SMARCA2: variants seen among roughly 807,000 people sequenced by gnomAD.
The protein encoded by SMARCA2 is SWI/SNF related BAF chromatin remodeling complex subunit ATPase 2.
A neutral mutation model predicts 199.8 loss-of-function variants in SMARCA2; 61 were observed. The observed-to-expected ratio is 0.31, with a 90% CI of 0.25 to 0.38. SMARCA2 has a LOEUF of 0.38. Among genes scored for constraint, SMARCA2 ranks in the 10% least tolerant of loss-of-function variants. The pLI is 1.00. For missense variants in SMARCA2, 1,344 were observed against 2,012.2 expected (o/e 0.67, Z 6.35); for synonymous variants, 935 against 732.0 (o/e 1.28, Z -4.48).
At chr9:2,070,881 T>C (rs1453052054) in intron 10 of SMARCA2, among the ~76,000 whole-genome samples, 4 of 152,236 alleles carry the variant, frequency 2.6e-5, no homozygotes. Context: ...ACTAAAGAAG[T>C]CACATATTTG....
At chr9:2,088,022 T>TG (rs1251603541) in intron 18 of SMARCA2, among the ~76,000 whole-genome samples, 1 of 152,250 alleles carries the variant, frequency 6.6e-6, no homozygotes, top group Non-Finnish European at 1.5e-5. Flanking sequence ...CAGCATAAAC[T>TG]GGATCAACTC....
chr9:2,081,790 G>T (rs770128630), intron 14 of SMARCA2, 42 bp from the exon 15 acceptor site: 18 of 1,587,536 alleles, frequency 1.1e-5, no homozygotes, highest in Non-Finnish European at 1.6e-5. Context: ...TTAATTACCT[G>T]TGCAGATCTT....
At chr9:2,111,100 C>T (rs1198484656) in intron 24 of SMARCA2, among the ~76,000 whole-genome samples, 1 of 148,434 alleles carries the variant, frequency 6.7e-6, no homozygotes, top group Admixed American at 6.7e-5. Context: ...TTCTAAGTTA[C>T]TCTGGGAGGT....
intron 27 of SMARCA2, among the ~76,000 whole-genome samples, chr9:2,129,733 C>T (rs1419833980): frequency 6.6e-6 from 1 of 152,178 alleles, no homozygotes; most frequent in East Asian, 1.9e-4. Flanking sequence ...GTGACCAGTG[C>T]CCACTGGAGC....
chr9:2,065,682 T>C lies in SMARCA2; in HGVS notation c.1692+4696T>C, dbSNP rs566991376. Among the ~76,000 whole-genome samples the C allele has an allele frequency of 4.6e-5, 7 of 151,992 alleles. No homozygotes were observed. The East Asian group carries it at 1.3e-3, about 29-fold the overall frequency. ...TGAGACATTTATTTTAAATACAAGC[T>C]ACTCCCTGATTCTTCTCATTTTTTT... On this transcript the variant is annotated intron_variant, in intron 9 of 33. Coordinates refer to ENST00000349721, the MANE Select transcript of SMARCA2 (RefSeq NM_003070.5).
At chr9:2,106,379 G>C (rs1026260990) in intron 23 of SMARCA2, among the ~76,000 whole-genome samples, 4 of 152,158 alleles carry the variant, frequency 2.6e-5, no homozygotes, top group Non-Finnish European at 5.9e-5. Context: ...AGAGATACAG[G>C]ATGGATGAAC....
intron 30 of SMARCA2, among the ~76,000 whole-genome samples, 178 bp from the exon 31 acceptor site, chr9:2,181,963 G>T (rs1033346003): frequency 6.6e-6 from 1 of 152,206 alleles, no homozygotes; most frequent in Non-Finnish European, 1.5e-5. Flanking sequence ...AGGAATGACA[G>T]TGGGAGTGGG....
intron 19 of SMARCA2, among the ~76,000 whole-genome samples, chr9:2,094,127 C>T (rs1822174086): frequency 6.6e-6 from 1 of 152,148 alleles, no homozygotes; most frequent in African/African-American, 2.4e-5. Flanking sequence ...TATCCCAGGC[C>T]TGGAGACAAG....
chr9:2,032,694 C>A (rs1217646209), intron 2 of SMARCA2: 4 of 307,140 alleles, frequency 1.3e-5, no homozygotes, highest in African/African-American at 6.6e-5. Context: ...ACTTCATTTT[C>A]ATTGCCTGTT....
chr9:2,028,154 C>T lies in SMARCA2; in HGVS notation c.-36-833C>T, dbSNP rs1366781670. 2.0e-5 allele frequency among the ~76,000 whole-genome samples: 3 copies of T among 152,176 alleles called. No homozygotes were observed. The East Asian group carries it at 5.8e-4, about 29-fold the overall frequency. On this transcript the variant is annotated intron_variant, in intron 1 of 33. Coordinates refer to ENST00000349721, the MANE Select transcript of SMARCA2 (RefSeq NM_003070.5). ...ATGACTTCTCTCAAGGATTCTTGAC[C>T]AGAGCCAGGTCTGGGACAAATCCCT... is the stretch of plus-strand genomic sequence containing the variant.
chr9:2,125,412 G>C (rs139428802), intron 27 of SMARCA2, among the ~76,000 whole-genome samples: 1 of 151,570 alleles, frequency 6.6e-6, no homozygotes, highest in African/African-American at 2.4e-5. Context: ...CTGAGCTTGG[G>C]AAAATTTTAT....
chr9:2,191,993 C>G (rs1280904563), intron 33 of SMARCA2: 1 of 153,676 alleles, frequency 6.5e-6, no homozygotes, highest in African/African-American at 2.4e-5. Flanking sequence ...AGATGTCACT[C>G]TCAAATAACA....
intron 4 of SMARCA2, chr9:2,043,840 G>C (rs1353929865): frequency 1.3e-5 from 2 of 152,172 alleles, no homozygotes; most frequent in Non-Finnish European, 2.9e-5. Flanking sequence ...CCCTTCTGGA[G>C]GGCCAGAGTT....
chr9:2,178,643 C>T (rs1333831997), intron 29 of SMARCA2, among the ~76,000 whole-genome samples: 1 of 152,114 alleles, frequency 6.6e-6, no homozygotes, highest in African/African-American at 2.4e-5. Context: ...AAAAAGCCCT[C>T]GCTCAGCTCA....
At chr9:2,060,058 C>A (rs746497255) in intron 8 of SMARCA2, among the ~76,000 whole-genome samples, 8 of 133,466 alleles carry the variant, frequency 6.0e-5, no homozygotes, top group Non-Finnish European at 9.2e-5. Flanking sequence ...TACCAGACTT[C>A]AGGTGCTAAG....
At chr9:2,162,201 A>T (rs541360094) in intron 28 of SMARCA2, among the ~76,000 whole-genome samples, 2 of 152,224 alleles carry the variant, frequency 1.3e-5, no homozygotes, top group Non-Finnish European at 2.9e-5. Flanking sequence ...GAAAATGAAG[A>T]TATTTCAGAT....
chr9:2,106,043 A>T (rs566769647), intron 23 of SMARCA2, among the ~76,000 whole-genome samples: 27 of 152,354 alleles, frequency 1.8e-4, no homozygotes, highest in African/African-American at 6.0e-4. Context: ...AACAGCTAAC[A>T]TGTATGGAAC....
At chr9:2,093,236 A>G (rs796852815) in intron 19 of SMARCA2, among the ~76,000 whole-genome samples, 59 of 152,362 alleles carry the variant, frequency 3.9e-4, no homozygotes, top group African/African-American at 1.4e-3. Context: ...AGGACGGGGT[A>G]CCCAGTATGT....
At chr9:2,121,842 A>G (rs1823475037) in intron 26 of SMARCA2, among the ~76,000 whole-genome samples, 1 of 152,240 alleles carries the variant, frequency 6.6e-6, no homozygotes, top group Non-Finnish European at 1.5e-5. Flanking sequence ...TAAGTATCTG[A>G]GACATTTTGC....
Sources: gnomAD v4.1 joint callset for allele counts (sites outside exome capture counted in the v4.1 genomes callset) on GRCh38, gnomAD v4.1.1 for gene constraint, MANE v1.5 for transcripts, NCBI Gene and HGNC (gene_info 2026-07-23, HGNC 2026-07-21) for gene names.